NAP1L4: variants seen among roughly 807,000 people sequenced by gnomAD.
The protein encoded by NAP1L4 is nucleosome assembly protein 1 like 4, also known as nucleosome assembly protein 1-like 4.
A neutral mutation model predicts 58.2 loss-of-function variants in NAP1L4; 15 were observed. The ratio of observed to expected loss-of-function variants is 0.26; its 90% CI spans 0.17 to 0.40. The LOEUF is 0.40. Ranked by LOEUF, NAP1L4 falls within the 10% of genes least tolerant of loss-of-function variation. NAP1L4 has a pLI of 1.00. For missense variants in NAP1L4, 384 were observed against 451.1 expected, an observed-to-expected ratio of 0.85 and a Z score of 1.35; for synonymous variants, 171 against 155.6, an observed-to-expected ratio of 1.10 and a Z score of -0.74.
chr11:2,945,927 G>A (rs1462503466), intron 15 of NAP1L4, among the ~76,000 whole-genome samples: 3 of 152,092 alleles, frequency 2.0e-5, no homozygotes, highest in Non-Finnish European at 4.4e-5. Context: ...GGGTGGTGGA[G>A]CTCCAGGGGC....
intron 4 of NAP1L4, among the ~76,000 whole-genome samples, chr11:2,974,335 C>T (rs1202346872): frequency 6.6e-6 from 1 of 152,190 alleles, no homozygotes; most frequent in African/African-American, 2.4e-5. Context: ...TCTGCCGGCA[C>T]TTTTCCTGCA....
rs1291073693 is a variant in NAP1L4 at position 2,992,270 on chromosome 11, C to G, written c.-34G>C. The G allele has an allele frequency of 1.3e-5, 2 of 152,360 alleles. No homozygotes were observed. The highest frequency in any genetic ancestry group is 2.9e-5 in the Non-Finnish European group (2 of 68,054). 9.4% of individuals were successfully genotyped at this position (152,360 alleles called of 1,614,324 possible). Reference sequence around the variant, plus strand: ...TCTCCGCACCTCACGCCTCCTGCGGCAGTGGCGGCGACCCTAGCTTCGCTC... The same window carrying G: ...TCTCCGCACCTCACGCCTCCTGCGGGAGTGGCGGCGACCCTAGCTTCGCTC... On this transcript the variant is annotated 5_prime_UTR_variant, in exon 1 of 16. Transcript: ENST00000380542.
chr11:2,964,529 T>C (rs1847142724), intron 8 of NAP1L4, 151 bp downstream of exon 8: 1 of 632,556 alleles, frequency 1.6e-6, no homozygotes, highest in Non-Finnish European at 2.8e-6. Flanking sequence ...GTACTCAGTC[T>C]AACTCTTGGA....
At chr11:2,947,502 GC>G (rs893558127) in intron 15 of NAP1L4, among the ~76,000 whole-genome samples, 2 of 152,180 alleles carry the variant, frequency 1.3e-5, no homozygotes, top group African/African-American at 2.4e-5. Flanking sequence ...GCCCACCCCT[GC>G]CAGGCTTTGG....
chr11:2,951,832 T>G lies in NAP1L4; in HGVS notation c.1036-23A>C, dbSNP rs768249787. The G allele has an allele frequency of 1.9e-6, 3 of 1,613,334 alleles. No individual in the cohort carries two copies. On this transcript the variant is annotated intron_variant, in intron 12 of 15. Coordinates refer to ENST00000380542, the MANE Select transcript of NAP1L4 (RefSeq NM_005969.4). This position sits in a 1 kb window ranked among gnomAD's most constrained non-coding sequence, Gnocchi z 4.0. ...AAACTGGAGAAACACAGAAAAACAT[T>G]TTTAGGTTTACAAAACATGACAGCA...
chr11:2,965,078 A>G (rs1847182338), intron 7 of NAP1L4, among the ~76,000 whole-genome samples: 1 of 152,226 alleles, frequency 6.6e-6, no homozygotes, highest in Non-Finnish European at 1.5e-5. Context: ...CTGCCACTGC[A>G]CACAGAGATC....
Position 2,976,018 on chromosome 11 carries a change from A to G in NAP1L4, c.173+6T>C. 6.2e-7 allele frequency: 1 copy of G among 1,608,552 alleles called. No homozygotes were observed. The highest frequency in any genetic ancestry group is 1.1e-5 in the South Asian group (1 of 89,942). On this transcript the variant is annotated splice_donor_region_variant and intron_variant, in intron 4 of 15. Coordinates refer to ENST00000380542, the MANE Select transcript of NAP1L4 (RefSeq NM_005969.4). ...TTGCATGAGACCCTATTCACAGCACACTTACGTTTCGATGTAGCTGGAAGG... is the reference window on the plus strand; with the variant it reads ...TTGCATGAGACCCTATTCACAGCACGCTTACGTTTCGATGTAGCTGGAAGG...
chr11:2,977,866 T>TAA lies in NAP1L4; in HGVS notation c.73+416_73+417dup, dbSNP rs34636304. ...GGAAGGAAAGTAAAGGGTATAGACTTAAAAAAAAAAAAAAAAAATGGCCAG... is the reference window on the plus strand; with the variant it reads ...GGAAGGAAAGTAAAGGGTATAGACTTAAAAAAAAAAAAAAAAAAAATGGCCAG... On this transcript the variant is annotated intron_variant, in intron 3 of 15. Coordinates refer to ENST00000380542, the MANE Select transcript of NAP1L4 (RefSeq NM_005969.4). 2.4e-3 allele frequency among the ~76,000 whole-genome samples: 338 copies of TAA among 138,348 alleles called. 5 individuals are homozygous for TAA. The East Asian group carries it at 0.027, about 11-fold the overall frequency. 90.8% of individuals were successfully genotyped at this position (138,348 alleles called of 152,430 possible). A position where few individuals can be genotyped will look rare whatever the true frequency, so the allele number is the denominator to read the frequency against.
At chr11:2,976,720 C>A (rs972157745) in intron 3 of NAP1L4, among the ~76,000 whole-genome samples, 3 of 152,230 alleles carry the variant, frequency 2.0e-5, no homozygotes, top group Non-Finnish European at 4.4e-5. Context: ...TTAGGGCTAA[C>A]CTACATGTGT....
chr11:2,989,682 A>G (rs1848840973), intron 1 of NAP1L4, among the ~76,000 whole-genome samples: 1 of 152,266 alleles, frequency 6.6e-6, no homozygotes, highest in Non-Finnish European at 1.5e-5. Context: ...CCCCACACTT[A>G]GCTGCGAATA....
At chr11:2,963,143 A>T (rs924069991) in intron 8 of NAP1L4, among the ~76,000 whole-genome samples, 2 of 142,998 alleles carry the variant, frequency 1.4e-5, no homozygotes, top group Non-Finnish European at 3.1e-5. Flanking sequence ...GAAGAAAAGA[A>T]AAGGAGAAAA....
rs1846440283 is a variant in NAP1L4, at chr11:2,954,867, A to G, written c.916-221T>C. On this transcript the variant is annotated intron_variant, in intron 11 of 15. Transcript: ENST00000380542. The surrounding 1 kb of genome is among the most constrained non-coding windows in gnomAD (Gnocchi z 4.8). ...AAGCAAAATGGCAGAGAAAGTGGGA[A>G]GTGAGGGCCCTACAGCTCCACAACT... The G allele has an allele frequency of 1.7e-6, 1 of 595,616 alleles. No individual in the cohort carries two copies. The highest frequency in any genetic ancestry group is 3.0e-6 in the Non-Finnish European group (1 of 335,806). 36.9% of individuals were successfully genotyped at this position (595,616 alleles called of 1,614,324 possible).
chr11:2,981,418 CAA>C (rs35499396), intron 1 of NAP1L4, among the ~76,000 whole-genome samples: 720 of 41,262 alleles, frequency 0.017, 52 homozygotes, highest in African/African-American at 0.042. Context: ...TACCCTGTCT[CAA>C]AAAAAAAAAA....
intron 8 of NAP1L4, among the ~76,000 whole-genome samples, chr11:2,961,234 T>C (rs564100145): frequency 6.6e-6 from 1 of 150,896 alleles, no homozygotes; most frequent in Non-Finnish European, 1.5e-5. Flanking sequence ...CAAAGAAAGG[T>C]GGAGGAGGAG....
chr11:2,955,724 C>CAAT lies in NAP1L4; in HGVS notation c.915+19_915+20insATT, dbSNP rs748207302. The CAAT allele has an allele frequency of 4.4e-6, 7 of 1,609,056 alleles. No homozygotes were observed. In the African/African-American group the frequency reaches 8.0e-5, roughly 18 times the overall value. On this transcript the variant is annotated intron_variant, in intron 11 of 15. Transcript: ENST00000380542. The surrounding 1 kb of genome is among the most constrained non-coding windows in gnomAD (Gnocchi z 4.2). ...GAGAGACTTCAACAGGAAAATAAGA[C>CAAT]TATTAACAACAAATCTTACCAGTGA...
intron 7 of NAP1L4, among the ~76,000 whole-genome samples, chr11:2,966,447 C>T (rs1847284357): frequency 6.6e-6 from 1 of 152,194 alleles, no homozygotes; most frequent in Non-Finnish European, 1.5e-5. Flanking sequence ...TCCCCTCTCT[C>T]TCCCTCTTAG....
At position 2,944,894 on chromosome 11, in the gene NAP1L4, T is replaced by C. The variant is rs1430001608; in HGVS notation, c.*785A>G. ...TGCGCCTGCTAGGAAGTGGCACATC[T>C]TCCTGCTCAGGGCACCAAGGTGGTT... On this transcript the variant is annotated 3_prime_UTR_variant, in exon 16 of 16. Transcript: ENST00000380542. 2 of 152,234 alleles carry C rather than the reference T, an allele frequency of 1.3e-5. No homozygotes were observed. The highest frequency in any genetic ancestry group is 4.8e-5 in the African/African-American group (2 of 41,454). 9.4% of individuals were successfully genotyped at this position (152,234 alleles called of 1,614,324 possible). A position where few individuals can be genotyped will look rare whatever the true frequency, so the allele number is the denominator to read the frequency against.
At chr11:2,986,152 T>C (rs1034355290) in intron 1 of NAP1L4, among the ~76,000 whole-genome samples, 2 of 152,030 alleles carry the variant, frequency 1.3e-5, no homozygotes, top group Non-Finnish European at 2.9e-5. Flanking sequence ...GGCGGGCGGA[T>C]CACATGAGGT....
At chr11:2,968,773 G>A (rs974693169) in intron 7 of NAP1L4, among the ~76,000 whole-genome samples, 6 of 152,222 alleles carry the variant, frequency 3.9e-5, no homozygotes, top group Non-Finnish European at 7.3e-5. Context: ...CAGACGTGCT[G>A]TTTCTGGGGA....
Sources: gnomAD v4.1 joint callset for allele counts (sites outside exome capture counted in the v4.1 genomes callset) on GRCh38, gnomAD v4.1.1 for gene constraint, Gnocchi (gnomAD v3.1) non-coding constraint, MANE v1.5 for transcripts, NCBI Gene and HGNC (gene_info 2026-07-23, HGNC 2026-07-21) for gene names.